The following FRMD3 variants were observed in gnomAD, a reference collection of about 807,000 sequenced individuals.
FRMD3 encodes the protein FERM domain-containing protein 3.
A neutral mutation model predicts 70.2 loss-of-function variants in FRMD3; 33 were observed. That is an observed-to-expected ratio of 0.47 (90% CI 0.36 to 0.63). The LOEUF is 0.63. FRMD3 is among the 20% of genes least tolerant of loss of function. The probability of loss-of-function intolerance (pLI) is 0.00; values close to 1 mark genes in which losing one functional copy is unlikely to be tolerated. For synonymous variants in FRMD3, 279 were observed against 255.9 expected (o/e 1.09, Z -0.86); for missense variants, 632 against 711.4 (o/e 0.89, Z 1.27).
intron 2 of FRMD3, among the ~76,000 whole-genome samples, chr9:83,382,677 C>T (rs1235143608): frequency 6.6e-6 from 1 of 152,118 alleles, no homozygotes; most frequent in Non-Finnish European, 1.5e-5. Context: ...AGCTCACTCC[C>T]TCTTATTGAG....
the FRMD3 span, among the ~76,000 whole-genome samples, chr9:83,546,060 CAAAA>C: frequency 6.3e-4 from 60 of 95,826 alleles, 4 homozygotes; most frequent in African/African-American, 2.2e-3. Context: ...TTTCAGTCTT[CAAAA>C]AAAAAAAAAA....
intron 1 of FRMD3, among the ~76,000 whole-genome samples, chr9:83,483,813 T>C (rs1330033491): frequency 6.6e-6 from 1 of 152,148 alleles, no homozygotes; most frequent in East Asian, 1.9e-4. Context: ...TGTGCTGTGA[T>C]CATATCACTG....
rs563996263 is a variant in FRMD3, at chr9:83,516,127, C to T, written c.147+21958G>A. The stretch of plus-strand genomic sequence containing the variant: ...CAAATTCACACATAACAATATAAAC[C>T]TTAAATGTAAACGAGCTAAATGCCC... On this transcript the variant is annotated intron_variant, in intron 1 of 13. Coordinates refer to ENST00000304195, the MANE Select transcript of FRMD3 (RefSeq NM_174938.6). Among the ~76,000 whole-genome samples the T allele has an allele frequency of 9.9e-5, 15 of 152,132 alleles. No individual in the cohort carries two copies. In the East Asian group the frequency reaches 2.7e-3, roughly 27 times the overall value.
intron 6 of FRMD3, among the ~76,000 whole-genome samples, chr9:83,333,909 G>A (rs1457717166): frequency 6.6e-6 from 1 of 152,088 alleles, no homozygotes; most frequent in Non-Finnish European, 1.5e-5. Flanking sequence ...ATCTAATAGA[G>A]TTTGGGAGAA....
intron 3 of FRMD3, among the ~76,000 whole-genome samples, chr9:83,353,968 G>GTGA (rs1454474713): frequency 6.6e-6 from 1 of 151,922 alleles, no homozygotes; most frequent in Non-Finnish European, 1.5e-5. Flanking sequence ...TTGTTGCCCA[G>GTGA]TCTGAGAGTG....
At chr9:83,266,212 T>C (rs1463658539) in intron 13 of FRMD3, among the ~76,000 whole-genome samples, 1 of 152,202 alleles carries the variant, frequency 6.6e-6, no homozygotes, top group African/African-American at 2.4e-5. Context: ...AAAGCATCTA[T>C]ATATTTGTTC....
the FRMD3 span, among the ~76,000 whole-genome samples, chr9:83,579,000 T>C: frequency 6.6e-6 from 1 of 151,798 alleles, no homozygotes; most frequent in East Asian, 1.9e-4. Flanking sequence ...CATATGAAAA[T>C]TAGTAGCATT....
chr9:83,327,054 T>C (rs1461087731), intron 6 of FRMD3, among the ~76,000 whole-genome samples: 1 of 152,202 alleles, frequency 6.6e-6, no homozygotes, highest in African/African-American at 2.4e-5. Context: ...GAATAAGATG[T>C]GGATCTTGCC....
intron 1 of FRMD3, among the ~76,000 whole-genome samples, chr9:83,428,509 C>CCA (rs141897507): frequency 0.28 from 41,589 of 151,036 alleles, 5,755 homozygotes; most frequent in Non-Finnish European, 0.3. Flanking sequence ...CACATATAAA[C>CCA]CACACACACA....
chr9:83,543,567 CA>C, the FRMD3 span, among the ~76,000 whole-genome samples: 4 of 152,152 alleles, frequency 2.6e-5, no homozygotes, highest in Non-Finnish European at 4.4e-5. Flanking sequence ...CTTGTGTCTC[CA>C]CATCACCAAA....
chr9:83,248,647 G>T, intron 13 of FRMD3, 131 bp from the exon 14 acceptor site: 1 of 1,007,256 alleles, frequency 9.9e-7, no homozygotes, highest in Non-Finnish European at 1.4e-6. Flanking sequence ...GGTATCCTAA[G>T]TTGTAACAAA....
At chr9:83,406,079 A>G (rs1397734706) in intron 1 of FRMD3, among the ~76,000 whole-genome samples, 1 of 152,110 alleles carries the variant, frequency 6.6e-6, no homozygotes, top group African/African-American at 2.4e-5. Context: ...CACTAATGCA[A>G]GGCAGCTGGG....
chr9:83,257,590 T>C (rs977137163), intron 13 of FRMD3, among the ~76,000 whole-genome samples: 5 of 152,186 alleles, frequency 3.3e-5, no homozygotes, highest in Non-Finnish European at 7.3e-5. Flanking sequence ...TTAAAATGTC[T>C]TCTTTTTATA....
chr9:83,389,180 T>G (rs946266855), intron 2 of FRMD3, among the ~76,000 whole-genome samples: 1 of 152,098 alleles, frequency 6.6e-6, no homozygotes, highest in Non-Finnish European at 1.5e-5. Flanking sequence ...ACTCCTGGGT[T>G]CAAGTGGTCC....
rs193084462 is a variant in FRMD3, at chr9:83,307,446, T to G, written c.926+2090A>C. Among the ~76,000 whole-genome samples the G allele has an allele frequency of 7.7e-4, 118 of 152,332 alleles. 1 individual carries two copies. Among genetic ancestry groups the G allele is most frequent in the African/African-American group, 2.8e-3 (117 of 41,582 alleles). Reference sequence around the variant, plus strand: ...AACTGATGAATGGATAAACCAAATGTGGTCTATTGAAACAATGCAGTGTCA... The same window carrying G: ...AACTGATGAATGGATAAACCAAATGGGGTCTATTGAAACAATGCAGTGTCA... On this transcript the variant is annotated intron_variant, in intron 10 of 13. Transcript: ENST00000304195.
At chr9:83,349,855 TG>T in intron 3 of FRMD3, 98 bp from the exon 4 acceptor site, 1 of 800,292 alleles carries the variant, frequency 1.2e-6, no homozygotes, top group Non-Finnish European at 2.0e-6. Context: ...CAGACTAGCC[TG>T]GGGAGTGGGG....
chr9:83,404,032 C>T (rs899133069), intron 1 of FRMD3, among the ~76,000 whole-genome samples: 3 of 151,468 alleles, frequency 2.0e-5, no homozygotes, highest in Non-Finnish European at 4.4e-5. Flanking sequence ...CCTAAAACAA[C>T]TGCTCTGTGT....
intron 13 of FRMD3, among the ~76,000 whole-genome samples, chr9:83,258,780 T>C (rs1029621371): frequency 2.6e-5 from 4 of 152,178 alleles, no homozygotes; most frequent in Non-Finnish European, 5.9e-5. Flanking sequence ...GAAAACAAAC[T>C]GGTTCACTTT....
intron 1 of FRMD3, among the ~76,000 whole-genome samples, chr9:83,520,085 A>G (rs958551722): frequency 2.6e-5 from 4 of 152,182 alleles, no homozygotes; most frequent in Non-Finnish European, 5.9e-5. Flanking sequence ...TGGCACATGT[A>G]TACCTATGTA....
Sources: gnomAD v4.1 joint callset for allele counts (sites outside exome capture counted in the v4.1 genomes callset) on GRCh38, gnomAD v4.1.1 for gene constraint, MANE v1.5 for transcripts, NCBI Gene and HGNC (gene_info 2026-07-23, HGNC 2026-07-21) for gene names.